The following ASTN2 variants were observed in gnomAD, a reference collection of about 807,000 sequenced individuals.
ASTN2 encodes the protein astrotactin 2, also known as astrotactin-2.
Under a neutral mutation model 139.8 loss-of-function variants are expected in ASTN2, and 54 were observed. That is an observed-to-expected ratio of 0.39 (90% CI 0.31 to 0.48). The LOEUF is 0.48. Ranked by LOEUF, ASTN2 falls within the 20% of genes least tolerant of loss-of-function variation. The probability of loss-of-function intolerance (pLI) is 0.95; values close to 1 mark genes in which losing one functional copy is unlikely to be tolerated. For synonymous variants in ASTN2, 756 were observed against 719.5 expected, an observed-to-expected ratio of 1.05 and a Z score of -0.81; for missense variants, 1,565 against 1,725.1, an observed-to-expected ratio of 0.91 and a Z score of 1.64.
intron 16 of ASTN2, among the ~76,000 whole-genome samples, chr9:116,685,979 T>A (rs803895): frequency 0.94 from 142,917 of 152,144 alleles, 67,196 homozygotes; most frequent in African/African-American, 0.98. Context: ...AAAAAAATTT[T>A]AAACGGGTGC....
chr9:117,101,925 C>T (rs1828988260), intron 4 of ASTN2, among the ~76,000 whole-genome samples: 1 of 152,140 alleles, frequency 6.6e-6, no homozygotes, highest in Non-Finnish European at 1.5e-5. Context: ...TCATACATTG[C>T]TGCTGGATAT....
intron 17 of ASTN2, among the ~76,000 whole-genome samples, chr9:116,634,792 A>G (rs1001466408): frequency 3.3e-5 from 5 of 152,166 alleles, no homozygotes; most frequent in Admixed American, 1.3e-4. Context: ...TTGGGGAAGT[A>G]GGACTTTCCT....
chr9:117,401,286 A>T (rs534344879), intron 1 of ASTN2, among the ~76,000 whole-genome samples: 1 of 151,940 alleles, frequency 6.6e-6, no homozygotes, highest in East Asian at 1.9e-4. Context: ...AACAAGACAC[A>T]CTCCCTGCCT....
chr9:117,201,582 T>G (rs1831721748), intron 3 of ASTN2, among the ~76,000 whole-genome samples: 1 of 152,212 alleles, frequency 6.6e-6, no homozygotes, highest in African/African-American at 2.4e-5. Context: ...ATTTCTGCCT[T>G]AATTTCATTA....
At chr9:116,945,299 A>T (rs1835360797) in intron 10 of ASTN2, among the ~76,000 whole-genome samples, 1 of 152,160 alleles carries the variant, frequency 6.6e-6, no homozygotes, top group Non-Finnish European at 1.5e-5. Context: ...TTAGAAAGGG[A>T]TGGGGCTCAC....
intron 3 of ASTN2, among the ~76,000 whole-genome samples, chr9:117,192,417 T>G (rs1234790915): frequency 6.7e-6 from 1 of 150,144 alleles, no homozygotes; most frequent in Non-Finnish European, 1.5e-5. Flanking sequence ...CAATTCTGAA[T>G]ACTTTCCAGG....
intron 1 of ASTN2, among the ~76,000 whole-genome samples, chr9:117,300,040 G>A (rs891744605): frequency 6.6e-6 from 1 of 152,156 alleles, no homozygotes; most frequent in African/African-American, 2.4e-5. Flanking sequence ...GCCATACATA[G>A]CAACATGCTT....
intron 10 of ASTN2, among the ~76,000 whole-genome samples, chr9:116,923,382 A>G (rs889076687): frequency 6.6e-6 from 1 of 152,116 alleles, no homozygotes; most frequent in African/African-American, 2.4e-5. Flanking sequence ...TAACCCTACA[A>G]TGAGATAGTC....
At chr9:116,737,315 C>A (rs1434093558) in intron 13 of ASTN2, among the ~76,000 whole-genome samples, 3 of 152,140 alleles carry the variant, frequency 2.0e-5, no homozygotes, top group African/African-American at 7.2e-5. Flanking sequence ...TGGGAAAGTT[C>A]CGCTGGGCTG....
At chr9:116,774,454 G>A (rs1830030429) in intron 13 of ASTN2, among the ~76,000 whole-genome samples, 1 of 152,120 alleles carries the variant, frequency 6.6e-6, no homozygotes, top group African/African-American at 2.4e-5. Context: ...AATAATAATA[G>A]CACCCAACAT....
At chr9:117,149,674 CA>C (rs1830284254) in intron 3 of ASTN2, among the ~76,000 whole-genome samples, 1 of 152,094 alleles carries the variant, frequency 6.6e-6, no homozygotes, top group African/African-American at 2.4e-5. Context: ...TCATTGCATA[CA>C]ATATTCCATC....
At chr9:117,340,953 C>T (rs1829046921) in intron 1 of ASTN2, among the ~76,000 whole-genome samples, 2 of 152,134 alleles carry the variant, frequency 1.3e-5, no homozygotes, top group Non-Finnish European at 2.9e-5. Flanking sequence ...GTGCCTATGA[C>T]AACCCTGAGA....
chr9:117,201,878 A>C (rs1831734382), intron 3 of ASTN2, among the ~76,000 whole-genome samples: 1 of 152,168 alleles, frequency 6.6e-6, no homozygotes, highest in Non-Finnish European at 1.5e-5. Flanking sequence ...AGCTGAGTTC[A>C]AGTCCTGAAT....
chr9:117,074,526 G>A (rs1430018922), intron 5 of ASTN2, among the ~76,000 whole-genome samples: 1 of 152,196 alleles, frequency 6.6e-6, no homozygotes, highest in Non-Finnish European at 1.5e-5. Context: ...GGGTGTGTTT[G>A]TGGAAGTGTG....
chr9:116,950,241 C>T lies in ASTN2; in HGVS notation c.1889+24967G>A, dbSNP rs558866824. 4.8e-3 allele frequency among the ~76,000 whole-genome samples: 734 copies of T among 152,278 alleles called. 8 individuals carry two copies. Among genetic ancestry groups the T allele is most frequent in the African/African-American group, 0.017 (714 of 41,560 alleles). ...TGGATGCCAGTAGTACCCTCCCAGG[C>T]AAGGCAACCAACATTGTTTCCAGAC... On this transcript the variant is annotated intron_variant, in intron 10 of 22. Transcript: ENST00000313400.
At chr9:116,882,725 G>T (rs1225778853) in intron 10 of ASTN2, among the ~76,000 whole-genome samples, 1 of 152,102 alleles carries the variant, frequency 6.6e-6, no homozygotes, top group African/African-American at 2.4e-5. Context: ...ACTCTGGGAG[G>T]CCAAGGCAGG....
At chr9:116,597,031 T>C (rs139528998) in intron 19 of ASTN2, among the ~76,000 whole-genome samples, 4 of 152,246 alleles carry the variant, frequency 2.6e-5, no homozygotes, top group Non-Finnish European at 5.9e-5. Flanking sequence ...GGAAAGAGTT[T>C]GGGTTATATT....
chr9:116,797,103 C>G (rs2132231694), intron 13 of ASTN2, among the ~76,000 whole-genome samples: 1 of 151,770 alleles, frequency 6.6e-6, no homozygotes, highest in Admixed American at 6.6e-5. Flanking sequence ...GTTAAATGTT[C>G]TTAGCATAAA....
chr9:116,962,132 T>G (rs575612226), intron 10 of ASTN2, among the ~76,000 whole-genome samples: 2 of 152,352 alleles, frequency 1.3e-5, no homozygotes, highest in East Asian at 3.9e-4. Flanking sequence ...GGTTGCTTCT[T>G]CTTCACTACT....
Sources: gnomAD v4.1 joint callset for allele counts (sites outside exome capture counted in the v4.1 genomes callset) on GRCh38, gnomAD v4.1.1 for gene constraint, MANE v1.5 for transcripts, NCBI Gene and HGNC (gene_info 2026-07-23, HGNC 2026-07-21) for gene names.